The following MAGI1 variants were observed in gnomAD, a reference collection of about 807,000 sequenced individuals.
The protein encoded by MAGI1 is membrane associated guanylate kinase, WW and PDZ domain containing 1.
Under a neutral mutation model 139.9 loss-of-function variants are expected in MAGI1, and 58 were observed. That is an observed-to-expected ratio of 0.41 (90% CI 0.34 to 0.52). The LOEUF is 0.52. MAGI1 is among the 20% of genes least tolerant of loss of function. MAGI1 has a pLI of 0.12. For synonymous variants in MAGI1, 812 were observed against 737.9 expected, an observed-to-expected ratio of 1.10 and a Z score of -1.63; for missense variants, 1,874 against 1,901.6, an observed-to-expected ratio of 0.99 and a Z score of 0.27.
intron 1 of MAGI1, among the ~76,000 whole-genome samples, chr3:65,734,365 C>T (rs1405837974): frequency 1.3e-5 from 2 of 150,990 alleles, no homozygotes; most frequent in East Asian, 3.9e-4. Flanking sequence ...GAGACTGAGG[C>T]AGGAGGATCT....
intron 2 of MAGI1, among the ~76,000 whole-genome samples, chr3:65,590,477 C>A (rs574711051): frequency 1.3e-5 from 2 of 152,240 alleles, no homozygotes; most frequent in African/African-American, 4.8e-5. Context: ...CTTGGTTGTG[C>A]CAACTATTTT....
chr3:65,888,477 C>T (rs2060617260), intron 1 of MAGI1, among the ~76,000 whole-genome samples: 1 of 152,032 alleles, frequency 6.6e-6, no homozygotes, highest in South Asian at 2.1e-4. Context: ...AGAAGAAAAA[C>T]ATGTTGGAAT....
intron 12 of MAGI1, among the ~76,000 whole-genome samples, chr3:65,406,012 C>T (rs11131016): frequency 0.3 from 46,003 of 152,044 alleles, 7,852 homozygotes; most frequent in South Asian, 0.44. Context: ...AGGCGTGAGC[C>T]GCCACGCCCG....
At chr3:65,869,083 G>A (rs1441341862) in intron 1 of MAGI1, among the ~76,000 whole-genome samples, 1 of 151,666 alleles carries the variant, frequency 6.6e-6, no homozygotes, top group African/African-American at 2.4e-5. Context: ...GCGAAACCCT[G>A]TCTCTACTAA....
intron 1 of MAGI1, among the ~76,000 whole-genome samples, chr3:65,918,848 G>A (rs149073789): frequency 1.8e-3 from 270 of 152,036 alleles, no homozygotes; most frequent in South Asian, 0.016. Flanking sequence ...AAGTTAAGGA[G>A]AATGCTTACA....
chr3:65,492,845 A>G (rs4688236), intron 3 of MAGI1, among the ~76,000 whole-genome samples: 85,740 of 151,894 alleles, frequency 0.56, 24,717 homozygotes, highest in East Asian at 0.76. Flanking sequence ...TTGGGAGGCC[A>G]AGGCGGGCGG....
At chr3:65,865,274 G>T (rs34860725) in intron 1 of MAGI1, among the ~76,000 whole-genome samples, 2,831 of 152,182 alleles carry the variant, frequency 0.019, 41 homozygotes, top group Non-Finnish European at 0.029. Flanking sequence ...TAAAAAATCA[G>T]AAAAATCCTA....
chr3:65,792,110 A>C (rs1392555719), intron 1 of MAGI1, among the ~76,000 whole-genome samples: 1 of 152,182 alleles, frequency 6.6e-6, no homozygotes, highest in Non-Finnish European at 1.5e-5. Flanking sequence ...AACAATAGCT[A>C]ATCATAATAT....
Position 65,432,884 on chromosome 3 carries a change from G to A in MAGI1, c.1364-2003C>T, listed in dbSNP as rs936593055. On this transcript the variant is annotated intron_variant, in intron 10 of 22. Transcript: ENST00000402939. ...AGAGACATCAACAGCCATTACCTTC[G>A]CAGCAAGACCTTCCCTAACCACCTT... Among the ~76,000 whole-genome samples the A allele has an allele frequency of 1.1e-4, 17 of 152,070 alleles. 1 individual carries two copies. The highest frequency in any genetic ancestry group is 7.2e-4 in the Admixed American group (11 of 15,258).
intron 1 of MAGI1, among the ~76,000 whole-genome samples, chr3:66,000,061 C>G (rs2107436889): frequency 6.6e-6 from 1 of 150,712 alleles, no homozygotes; most frequent in East Asian, 2.0e-4. Context: ...CAAGCTCCAC[C>G]TCCCGGGTCC....
intron 1 of MAGI1, among the ~76,000 whole-genome samples, chr3:66,009,892 A>G (rs2067231494): frequency 6.6e-6 from 1 of 151,890 alleles, no homozygotes. Context: ...CCTGGTTAAC[A>G]TGGTGAAACC....
intron 2 of MAGI1, among the ~76,000 whole-genome samples, chr3:65,557,987 C>T (rs538653654): frequency 3.3e-5 from 5 of 152,242 alleles, no homozygotes; most frequent in African/African-American, 4.8e-5. Context: ...AGATAAACTG[C>T]CTTCTACCCA....
At chr3:65,869,364 TTTTTTGTTGTTGTTGTTGTTGTTG>T (rs2059845470) in intron 1 of MAGI1, among the ~76,000 whole-genome samples, 1 of 115,844 alleles carries the variant, frequency 8.6e-6, no homozygotes, top group African/African-American at 3.4e-5. Flanking sequence ...GCAAGACTGG[TTTTTTGTTGTTGTTGTTGTTGTTG>T]TTGTTGTTGT....
At chr3:65,759,457 C>A (rs1022261788) in intron 1 of MAGI1, among the ~76,000 whole-genome samples, 1 of 152,136 alleles carries the variant, frequency 6.6e-6, no homozygotes, top group Non-Finnish European at 1.5e-5. Context: ...ACTGGGATCT[C>A]AGGACAATGT....
At chr3:65,412,018 C>T (rs748838791) in intron 12 of MAGI1, among the ~76,000 whole-genome samples, 13 of 152,170 alleles carry the variant, frequency 8.5e-5, no homozygotes, top group Non-Finnish European at 1.5e-4. Context: ...CAACTTTAAA[C>T]GGCAGAAATC....
chr3:65,707,087 G>A (rs1290468368), intron 1 of MAGI1, among the ~76,000 whole-genome samples: 1 of 152,154 alleles, frequency 6.6e-6, no homozygotes, highest in Admixed American at 6.5e-5. Flanking sequence ...GATCAAACAC[G>A]AATGTGTTTG....
chr3:65,356,682 C>T lies in MAGI1; in HGVS notation c.4085G>A (p.Arg1362Lys). 3 of 1,590,528 alleles carry T rather than the reference C, an allele frequency of 1.9e-6. No individual in the cohort carries two copies. The highest frequency in any genetic ancestry group is 2.6e-6 in the Non-Finnish European group (3 of 1,169,140). Residue 1362 changes from arginine to lysine, a missense_variant, in exon 23 of 23, where the codon AGG (arginine) becomes AAG (lysine). Transcript: ENST00000402939. ...ERRRERSPTR[R>K]RDGSPSRRRR... is the part of the protein sequence containing the mutation. ...CCGCCGGCTGGGGGAGCCGTCTCTC[C>T]TGCGGGTGGGTGACCGCTCTCGCCT...
At chr3:65,681,181 T>C (rs1484209141) in intron 1 of MAGI1, among the ~76,000 whole-genome samples, 1 of 152,238 alleles carries the variant, frequency 6.6e-6, no homozygotes, top group Admixed American at 6.5e-5. Context: ...GCCATTATAT[T>C]TACTTAAGCG....
At chr3:65,488,927 C>T (rs989619223) in intron 3 of MAGI1, among the ~76,000 whole-genome samples, 16 of 152,274 alleles carry the variant, frequency 1.1e-4, no homozygotes, top group African/African-American at 3.4e-4. Context: ...CCCACCTCAG[C>T]CTCCCAAAGT....
Sources: allele counts gnomAD v4.1 joint callset (sites outside exome capture counted in the v4.1 genomes callset), GRCh38; gene constraint gnomAD v4.1.1; transcripts MANE v1.5; gene names NCBI Gene and HGNC (gene_info 2026-07-23, HGNC 2026-07-21).